SYNE1: variants seen among roughly 807,000 people sequenced by gnomAD.
The protein encoded by SYNE1 is nesprin-1.
A neutral mutation model predicts 1,111.0 loss-of-function variants in SYNE1; 616 were observed. The observed-to-expected ratio is 0.55, with a 90% CI of 0.52 to 0.59. The LOEUF (loss-of-function observed/expected upper bound fraction) is 0.59. Ranked by LOEUF, SYNE1 falls within the 20% of genes least tolerant of loss-of-function variation. The probability of loss-of-function intolerance (pLI) is 0.00; values close to 1 mark genes in which losing one functional copy is unlikely to be tolerated. For missense variants in SYNE1, 10,006 were observed against 10,417.0 expected, an observed-to-expected ratio of 0.96 and a Z score of 1.72; for synonymous variants, 3,855 against 3,825.8, an observed-to-expected ratio of 1.01 and a Z score of -0.28.
intron 95 of SYNE1, among the ~76,000 whole-genome samples, chr6:152,289,618 T>TTTTA (rs569648937): frequency 2.3e-3 from 350 of 152,098 alleles, no homozygotes; most frequent in African/African-American, 7.1e-3. Context: ...ATGTTTCCTA[T>TTTTA]TTTATTTATT....
chr6:152,512,375 A>G (rs1477201226), intron 6 of SYNE1, among the ~76,000 whole-genome samples: 1 of 152,176 alleles, frequency 6.6e-6, no homozygotes, highest in African/African-American at 2.4e-5. Flanking sequence ...TATGGAAAAT[A>G]AAGAACATCA....
At chr6:152,285,097 T>C (rs1589333467) in intron 95 of SYNE1, among the ~76,000 whole-genome samples, 1 of 152,238 alleles carries the variant, frequency 6.6e-6, no homozygotes. Flanking sequence ...ACTTACCTAG[T>C]TCACGGGTGT....
rs575766447 is a variant in SYNE1, at chr6:152,316,700, T to A, written c.16710+149A>T. On this transcript the variant is annotated intron_variant, in intron 87 of 145. Coordinates refer to ENST00000367255, the MANE Select transcript of SYNE1 (RefSeq NM_182961.4). ...CATGAGAAGCTCCTTTCTGTCCAAC[T>A]ACTGAACAACTTAGGGGTACCTTAG... The A allele has an allele frequency of 6.3e-6, 5 of 795,210 alleles. No homozygotes were observed. In the South Asian group the frequency reaches 8.1e-5, roughly 13 times the overall value. The allele number at this position is 795,210 out of a possible 1,614,324, so 49.3% of individuals were successfully genotyped here. A position where few individuals can be genotyped will look rare whatever the true frequency, so the allele number is the denominator to read the frequency against.
rs141359460 is a variant in SYNE1 at position 152,278,739 on chromosome 6, G to A, written c.18382-459C>T. On this transcript the variant is annotated intron_variant, in intron 97 of 145. Coordinates refer to ENST00000367255, the MANE Select transcript of SYNE1 (RefSeq NM_182961.4). ...GCCTCCCAAAGTGCTGGGATTACAGGAGTGAGAGCCACTGCACCTGGCCCT... is the reference window on the plus strand; with the variant it reads ...GCCTCCCAAAGTGCTGGGATTACAGAAGTGAGAGCCACTGCACCTGGCCCT... 4.3e-3 allele frequency among the ~76,000 whole-genome samples: 661 copies of A among 152,076 alleles called. 8 individuals are homozygous for A. Among genetic ancestry groups the A allele is most frequent in the African/African-American group, 0.015 (635 of 41,504 alleles).
At chr6:152,392,959 G>A (rs2097669555) in intron 51 of SYNE1, among the ~76,000 whole-genome samples, 1 of 152,076 alleles carries the variant, frequency 6.6e-6, no homozygotes. Flanking sequence ...AGACTGGGAG[G>A]AGCAAGCAGC....
intron 11 of SYNE1, among the ~76,000 whole-genome samples, chr6:152,492,887 C>T (rs1564429834): frequency 6.6e-6 from 1 of 152,112 alleles, no homozygotes; most frequent in Non-Finnish European, 1.5e-5. Context: ...CCCTTTAAAA[C>T]TCCCCCACTC....
Position 152,554,540 on chromosome 6 carries a change from A to G in SYNE1, c.68-14519T>C, listed in dbSNP as rs184956232. Among the ~76,000 whole-genome samples, 26 of 152,288 alleles carry G rather than the reference A, an allele frequency of 1.7e-4. No individual in the cohort carries two copies. The East Asian group carries it at 3.7e-3, about 22-fold the overall frequency. ...AGCCAATCATGGAGTTCTCCAAACC[A>G]TCTTAGACATCTTAGTTTTTTTTAT... On this transcript the variant is annotated intron_variant, in intron 3 of 145. Transcript: ENST00000367255.
chr6:152,350,914 G>T, intron 70 of SYNE1, 144 bp from the exon 71 acceptor site: 1 of 976,134 alleles, frequency 1.0e-6, no homozygotes, highest in Non-Finnish European at 1.6e-6. Flanking sequence ...AGACATTAAA[G>T]AGAGAGTGAT....
chr6:152,617,338 A>G (rs988618152), intron 3 of SYNE1, among the ~76,000 whole-genome samples: 2 of 152,180 alleles, frequency 1.3e-5, no homozygotes, highest in Admixed American at 6.6e-5. Context: ...TTGTTTTTGT[A>G]GAAGTTTTAG....
rs2096751481 is a variant in SYNE1, at chr6:152,352,114, C to T, written c.11493G>A (p.Trp3831Ter). ...GTAGAATTTCCTGGTATTCTGCTAT[C>T]CACTGTGTCAGTGCTTTGCATTTAT... ...FSDKCKALTQ[W>*]IAEYQEILHV... The change falls in exon 70 of 146, where the codon TGG (tryptophan) becomes TGA (stop). Residue 3831 changes from tryptophan to a stop codon, truncating the protein, a stop_gained. Transcript: ENST00000367255. LOFTEE classifies it high-confidence loss of function. The T allele has an allele frequency of 6.2e-7, 1 of 1,614,208 alleles. No homozygotes were observed. The highest frequency in any genetic ancestry group is 8.5e-7 in the Non-Finnish European group (1 of 1,180,040).
At position 152,368,966 on chromosome 6, in the gene SYNE1, C is replaced by A. The variant is rs376694958; in HGVS notation, c.9807+6G>T. Reference sequence around the variant, plus strand: ...ACACTCACACACAGCACGTGCCAGGCGTTACCTTTGTTAAATTGCTTAGCG... The same window carrying A: ...ACACTCACACACAGCACGTGCCAGGAGTTACCTTTGTTAAATTGCTTAGCG... On this transcript the variant is annotated splice_donor_region_variant and intron_variant, in intron 61 of 145. Coordinates refer to ENST00000367255, the MANE Select transcript of SYNE1 (RefSeq NM_182961.4). The A allele has an allele frequency of 1.3e-5, 21 of 1,614,006 alleles. No homozygotes were observed. Among genetic ancestry groups the A allele is most frequent in the Non-Finnish European group, 1.7e-5 (20 of 1,180,036 alleles).
At chr6:152,453,363 G>A (rs9397508) in intron 25 of SYNE1, 8 of 656,900 alleles carry the variant, frequency 1.2e-5, no homozygotes, top group Admixed American at 1.2e-4. Flanking sequence ...AAGAATGCTC[G>A]AGTAATAGGA....
Position 152,229,139 on chromosome 6 carries a change from C to T in SYNE1, c.21195+1408G>A, listed in dbSNP as rs574678217. Among the ~76,000 whole-genome samples the T allele has an allele frequency of 2.5e-4, 38 of 152,206 alleles. No homozygotes were observed. The South Asian group carries it at 7.3e-3, about 29-fold the overall frequency. The stretch of plus-strand genomic sequence containing the variant: ...TAATGATTGGAAGAGAGATCATTAC[C>T]AAAGTTCTTTCTTTCTGAAACCCGA... On this transcript the variant is annotated intron_variant, in intron 115 of 145. Coordinates refer to ENST00000367255, the MANE Select transcript of SYNE1 (RefSeq NM_182961.4).
At chr6:152,366,337 A>T (rs2097078649) in intron 62 of SYNE1, among the ~76,000 whole-genome samples, 1 of 151,808 alleles carries the variant, frequency 6.6e-6, no homozygotes, top group South Asian at 2.1e-4. Flanking sequence ...CGTCTAAAAT[A>T]AAACAAAACA....
chr6:152,273,686 C>T (rs144589466), intron 98 of SYNE1, among the ~76,000 whole-genome samples: 1 of 152,326 alleles, frequency 6.6e-6, no homozygotes, highest in African/African-American at 2.4e-5. Flanking sequence ...AATAAATCCA[C>T]ATTCCCTATC....
At chr6:152,361,537 C>T (rs962967305) in intron 64 of SYNE1, among the ~76,000 whole-genome samples, 6 of 151,996 alleles carry the variant, frequency 3.9e-5, no homozygotes, top group Non-Finnish European at 8.8e-5. Context: ...GTAATATATT[C>T]AGGGTGAGGT....
chr6:152,536,680 C>T lies in SYNE1; in HGVS notation c.129+3280G>A, dbSNP rs185671133. On this transcript the variant is annotated intron_variant, in intron 4 of 145. Transcript: ENST00000367255. ...TTTCCCCCCAAGCCTCTTGTATTCC[C>T]TATATCTGTGAATAATCTCAATCAT... Among the ~76,000 whole-genome samples the T allele has an allele frequency of 7.0e-4, 106 of 151,488 alleles. 1 individual carries two copies. The highest frequency in any genetic ancestry group is 1.3e-3 in the Admixed American group (19 of 15,120).
chr6:152,353,710 T>TCATCTCTG lies in SYNE1; in HGVS notation c.10953_10960dup (p.Glu3654AlafsTer21). 6.2e-7 allele frequency: 1 copy of TCATCTCTG among 1,614,134 alleles called. No individual in the cohort carries two copies. Among genetic ancestry groups the TCATCTCTG allele is most frequent in the Non-Finnish European group, 8.5e-7 (1 of 1,180,032 alleles). ...AGCTCTAGCTCCCACTTCCTCAACT[T>TCATCTCTG]CATCTCTGTATGCAGTCACTTCTTC... On this transcript the variant is annotated frameshift_variant, in exon 68 of 146. Transcript: ENST00000367255. LOFTEE classifies it high-confidence loss of function.
chr6:152,557,082 A>T (rs1162387120), intron 3 of SYNE1, among the ~76,000 whole-genome samples: 2 of 152,198 alleles, frequency 1.3e-5, no homozygotes, highest in Middle Eastern at 3.2e-3. Context: ...CACCTGAAAA[A>T]AATCAGAAGT....
Sources: allele counts gnomAD v4.1 joint callset (sites outside exome capture counted in the v4.1 genomes callset), GRCh38; gene constraint gnomAD v4.1.1; transcripts MANE v1.5; gene names NCBI Gene and HGNC (gene_info 2026-07-23, HGNC 2026-07-21).